Variants in MBD2 observed in about 807,000 individuals in gnomAD.
MBD2 encodes methyl-CpG-binding domain protein 2.
MBD2 carries 9 observed loss-of-function variants against 39.3 expected under a neutral mutation model. That is an observed-to-expected ratio of 0.23 (90% CI 0.14 to 0.40). The LOEUF (loss-of-function observed/expected upper bound fraction) is 0.40. MBD2 is among the 10% of genes least tolerant of loss of function. MBD2 has a pLI of 1.00. For synonymous variants in MBD2, 233 were observed against 211.1 expected, an observed-to-expected ratio of 1.10 and a Z score of -0.90; for missense variants, 458 against 532.6, an observed-to-expected ratio of 0.86 and a Z score of 1.38.
At chr18:54,155,839 G>C (rs562187433) in intron 6 of MBD2, among the ~76,000 whole-genome samples, 1 of 152,234 alleles carries the variant, frequency 6.6e-6, no homozygotes, top group African/African-American at 2.4e-5. Context: ...TTATGTATTT[G>C]ATATCCTATC....
At chr18:54,217,187 C>G (rs929812661) in intron 1 of MBD2, among the ~76,000 whole-genome samples, 3 of 152,112 alleles carry the variant, frequency 2.0e-5, no homozygotes, top group African/African-American at 7.2e-5. Flanking sequence ...GCGAAGTGTT[C>G]AATTTTAAAA....
At chr18:54,175,335 G>A (rs1568081806) in intron 3 of MBD2, among the ~76,000 whole-genome samples, 2 of 152,222 alleles carry the variant, frequency 1.3e-5, no homozygotes, top group African/African-American at 2.4e-5. Context: ...AAAGCCAGGC[G>A]TGAAGCCTGA....
In MBD2 at chr18:54,166,706, T is replaced by A. The variant is rs548430964; in HGVS notation, c.841-540A>T. ...ATGTTTTAGATGCCTCCTTTATTTT[T>A]AAACTGGATGTCACATTCATGAGTG... On this transcript the variant is annotated intron_variant, in intron 3 of 6. Transcript: ENST00000256429. Among the ~76,000 whole-genome samples, 79 of 152,296 alleles carry A rather than the reference T, an allele frequency of 5.2e-4. 1 individual carries two copies. The South Asian group carries it at 0.013, about 26-fold the overall frequency.
At chr18:54,189,512 G>A (rs920311515) in intron 2 of MBD2, among the ~76,000 whole-genome samples, 5 of 151,738 alleles carry the variant, frequency 3.3e-5, no homozygotes, top group East Asian at 2.0e-4. Flanking sequence ...GTGAGCCACC[G>A]CGCCCGGCCA....
intron 1 of MBD2, among the ~76,000 whole-genome samples, chr18:54,221,460 A>C (rs1434494095): frequency 7.0e-6 from 1 of 143,446 alleles, no homozygotes; most frequent in Non-Finnish European, 1.5e-5. Context: ...TCCGTCTCAA[A>C]AAAAAAAAAA....
chr18:54,219,271 C>G (rs546601925), intron 1 of MBD2, among the ~76,000 whole-genome samples: 1 of 152,190 alleles, frequency 6.6e-6, no homozygotes, highest in African/African-American at 2.4e-5. Context: ...AAATGCATAG[C>G]CTTATTAATA....
intron 3 of MBD2, among the ~76,000 whole-genome samples, chr18:54,168,298 CAAAAAATTTATAA>C (rs1239710749): frequency 6.6e-6 from 1 of 151,130 alleles, no homozygotes; most frequent in Non-Finnish European, 1.5e-5. Flanking sequence ...GAAAACAATA[CAAAAAATTTATAA>C]AGAAAAAATT....
At chr18:54,200,695 G>A (rs906650685) in intron 2 of MBD2, among the ~76,000 whole-genome samples, 5 of 151,970 alleles carry the variant, frequency 3.3e-5, no homozygotes, top group African/African-American at 7.3e-5. Context: ...ATATTGAGGC[G>A]CAAAGCTTAT....
chr18:54,200,908 T>C (rs1031141148), intron 2 of MBD2, among the ~76,000 whole-genome samples: 6 of 151,886 alleles, frequency 4.0e-5, no homozygotes, highest in Non-Finnish European at 7.4e-5. Context: ...TGAAACCCCA[T>C]CTCTACTAAG....
At chr18:54,200,410 C>T (rs374555170) in intron 2 of MBD2, among the ~76,000 whole-genome samples, 3 of 152,248 alleles carry the variant, frequency 2.0e-5, no homozygotes, top group East Asian at 1.9e-4. Context: ...TATGTTTATA[C>T]ATCTAAAACA....
At chr18:54,192,029 A>G (rs2086323032) in intron 2 of MBD2, among the ~76,000 whole-genome samples, 2 of 152,210 alleles carry the variant, frequency 1.3e-5, no homozygotes, top group Admixed American at 1.3e-4. Flanking sequence ...TCTCCTGGTC[A>G]TTCTGTGATG....
At position 54,154,236 on chromosome 18, in the gene MBD2, A is replaced by G. The variant is rs943609221; in HGVS notation, c.*1088T>C. Reference sequence around the variant, plus strand: ...AGAAATCGTTTAATAATGTAATGCTAGTTTTCATAATTAAATATCAATAAA... The same window carrying G: ...AGAAATCGTTTAATAATGTAATGCTGGTTTTCATAATTAAATATCAATAAA... On this transcript the variant is annotated 3_prime_UTR_variant, in exon 7 of 7. Coordinates refer to ENST00000256429, the MANE Select transcript of MBD2 (RefSeq NM_003927.5). 6.6e-6 allele frequency: 1 copy of G among 152,222 alleles called. No individual in the cohort carries two copies. The highest frequency in any genetic ancestry group is 2.4e-5 in the African/African-American group (1 of 41,454). The allele number at this position is 152,222 out of a possible 1,614,324, so 9.4% of individuals were successfully genotyped here. A position where few individuals can be genotyped will look rare whatever the true frequency, so the allele number is the denominator to read the frequency against.
Position 54,224,545 on chromosome 18 carries a change from C to G in MBD2, c.15G>C (p.Pro5=). 2 of 1,229,630 alleles carry G rather than the reference C, an allele frequency of 1.6e-6. No homozygotes were observed. The highest frequency in any genetic ancestry group is 1.6e-5 in the African/African-American group (1 of 64,174). 76.2% of individuals were successfully genotyped at this position (1,229,630 alleles called of 1,614,324 possible). A position where few individuals can be genotyped will look rare whatever the true frequency, so the allele number is the denominator to read the frequency against. Residue 5 remains proline (P), a synonymous_variant, in exon 1 of 7, where the codon CCG becomes CCC. Coordinates refer to ENST00000256429, the MANE Select transcript of MBD2 (RefSeq NM_003927.5). MRAH[P]GGGRCCPEQE... ...GCTCCGGGCAGCAGCGGCCTCCCCC[C>G]GGGTGCGCGCGCATCCAGCCCCCTC...
chr18:54,174,655 A>T (rs866833302), intron 3 of MBD2, among the ~76,000 whole-genome samples: 6 of 152,240 alleles, frequency 3.9e-5, no homozygotes, highest in Admixed American at 6.5e-5. Flanking sequence ...ATTTTTAACA[A>T]TTCAGATATA....
chr18:54,178,128 C>T (rs962203627), intron 3 of MBD2, among the ~76,000 whole-genome samples: 2 of 152,098 alleles, frequency 1.3e-5, no homozygotes, highest in African/African-American at 4.8e-5. Context: ...AGGCATAAGC[C>T]ACCATGCCCA....
chr18:54,223,989 C>G, intron 1 of MBD2, 29 bp downstream of exon 1: 4 of 1,493,108 alleles, frequency 2.7e-6, no homozygotes, highest in Non-Finnish European at 3.7e-6. Flanking sequence ...CCTGACCCCG[C>G]CACCCCCTCC....
At chr18:54,155,647 G>A (rs545730849) in intron 6 of MBD2, among the ~76,000 whole-genome samples, 2 of 152,292 alleles carry the variant, frequency 1.3e-5, no homozygotes, top group Non-Finnish European at 2.9e-5. Flanking sequence ...TGAAAAAGCA[G>A]AACAGATACA....
chr18:54,165,347 TA>T (rs1440963640), intron 4 of MBD2, among the ~76,000 whole-genome samples: 4 of 152,224 alleles, frequency 2.6e-5, no homozygotes, highest in African/African-American at 9.6e-5. Flanking sequence ...TGGTCACATT[TA>T]AATGCAATGC....
intron 2 of MBD2, among the ~76,000 whole-genome samples, chr18:54,204,663 C>T (rs879729596): frequency 6.6e-6 from 1 of 152,134 alleles, no homozygotes; most frequent in Non-Finnish European, 1.5e-5. Context: ...GGTGAAGATA[C>T]CTGACACATT....
Sources: allele counts gnomAD v4.1 joint callset (sites outside exome capture counted in the v4.1 genomes callset), GRCh38; gene constraint gnomAD v4.1.1; transcripts MANE v1.5; gene names NCBI Gene and HGNC (gene_info 2026-07-23, HGNC 2026-07-21).